Variants in ERI1 observed in about 807,000 individuals in gnomAD.
ERI1 encodes 3'-5' exoribonuclease 1.
A neutral mutation model predicts 39.7 loss-of-function variants in ERI1; 39 were observed. That is an observed-to-expected ratio of 0.98 (90% CI 0.76 to 1.28). The LOEUF (loss-of-function observed/expected upper bound fraction) is 1.28. ERI1 is among the 50% of genes most tolerant of loss of function. The probability of loss-of-function intolerance (pLI) is 0.00; values close to 1 mark genes in which losing one functional copy is unlikely to be tolerated. For synonymous variants in ERI1, 204 were observed against 149.6 expected, an observed-to-expected ratio of 1.36 and a Z score of -2.65; for missense variants, 581 against 416.9, an observed-to-expected ratio of 1.39 and a Z score of -3.43.
At chr8:9,072,545 A>G (rs960035482) in intron 3 of ERI1, 1 of 152,182 alleles carries the variant, frequency 6.6e-6, no homozygotes, top group Non-Finnish European at 1.5e-5. Context: ...CACCTCAAGA[A>G]GAAACCTGAA....
chr8:9,021,695 A>G (rs1426798920), intron 6 of ERI1, among the ~76,000 whole-genome samples: 1 of 150,706 alleles, frequency 6.6e-6, no homozygotes, highest in Non-Finnish European at 1.5e-5. Context: ...TTAAATGTAT[A>G]TCCTTATATT....
intron 3 of ERI1, among the ~76,000 whole-genome samples, chr8:9,088,837 G>A (rs1264782827): frequency 6.6e-6 from 1 of 152,226 alleles, no homozygotes; most frequent in African/African-American, 2.4e-5. Flanking sequence ...TAACCAGGGA[G>A]TTGACAATGA....
chr8:9,039,665 G>C (rs185060673), intron 3 of ERI1, among the ~76,000 whole-genome samples: 157 of 152,202 alleles, frequency 1.0e-3, no homozygotes, highest in African/African-American at 3.6e-3. Context: ...TTTGGCTTTT[G>C]GCAGAATTAA....
chr8:9,072,891 G>A (rs960087282), intron 3 of ERI1, among the ~76,000 whole-genome samples: 1 of 152,228 alleles, frequency 6.6e-6, no homozygotes, highest in Non-Finnish European at 1.5e-5. Context: ...GACCTCCTCA[G>A]TCTTGCACCC....
At chr8:9,024,671 C>A (rs1818284083) in intron 6 of ERI1, among the ~76,000 whole-genome samples, 1 of 152,082 alleles carries the variant, frequency 6.6e-6, no homozygotes, top group Non-Finnish European at 1.5e-5. Context: ...TGATCTGCCC[C>A]CCCTCGGCCT....
chr8:9,014,212 T>C (rs993995599), intron 3 of ERI1, among the ~76,000 whole-genome samples: 3 of 152,202 alleles, frequency 2.0e-5, no homozygotes, highest in Non-Finnish European at 4.4e-5. Flanking sequence ...TTCTCAAAAA[T>C]GCCAGGCATG....
At chr8:9,025,965 T>G (rs1818432138) in intron 6 of ERI1, among the ~76,000 whole-genome samples, 1 of 152,170 alleles carries the variant, frequency 6.6e-6, no homozygotes, top group Admixed American at 6.5e-5. Flanking sequence ...TGTATGTACA[T>G]TGAGCCATTA....
intron 6 of ERI1, among the ~76,000 whole-genome samples, chr8:9,022,199 T>C (rs1196089502): frequency 6.6e-6 from 1 of 152,178 alleles, no homozygotes; most frequent in Admixed American, 6.6e-5. Flanking sequence ...ATCTGACGGG[T>C]GTGTGATACC....
intron 4 of ERI1, 123 bp from the exon 5 acceptor site, chr8:9,018,174 A>G (rs1563322026): frequency 1.9e-6 from 1 of 525,700 alleles, no homozygotes; most frequent in African/African-American, 1.9e-5. Context: ...CAAGGAAACC[A>G]TGAATTTAAA....
At chr8:9,077,414 A>C (rs1278248903) in intron 3 of ERI1, among the ~76,000 whole-genome samples, 3 of 152,184 alleles carry the variant, frequency 2.0e-5, no homozygotes, top group African/African-American at 7.2e-5. Context: ...ACAGGAGAAA[A>C]GGCATACAAA....
At chr8:9,034,330 A>G (rs149796177), downstream of ERI1, among the ~76,000 whole-genome samples, 1 of 152,226 alleles carries the variant, frequency 6.6e-6, no homozygotes, top group African/African-American at 2.4e-5. Context: ...ACTTCTCTTT[A>G]TGTGCTTCGC....
intron 3 of ERI1, among the ~76,000 whole-genome samples, chr8:9,081,587 CTCTT>C (rs1799368177): frequency 6.6e-6 from 1 of 152,196 alleles, no homozygotes; most frequent in South Asian, 2.1e-4. Flanking sequence ...TTTCTTCACT[CTCTT>C]TCTTTCTATG....
chr8:9,050,618 A>G (rs956874333), intron 3 of ERI1, among the ~76,000 whole-genome samples: 4 of 152,130 alleles, frequency 2.6e-5, no homozygotes, highest in Non-Finnish European at 5.9e-5. Flanking sequence ...CTGCTGACTG[A>G]TAAGTCACCA....
intron 1 of ERI1, among the ~76,000 whole-genome samples, chr8:9,007,271 CTTCT>C: frequency 6.6e-6 from 1 of 152,120 alleles, no homozygotes; most frequent in East Asian, 1.9e-4. Context: ...AATACATTTC[CTTCT>C]TTGAGTACTA....
intron 3 of ERI1, among the ~76,000 whole-genome samples, chr8:9,076,414 C>A (rs1323921601): frequency 1.3e-5 from 2 of 152,000 alleles, no homozygotes; most frequent in African/African-American, 4.8e-5. Flanking sequence ...CAAAGCAAAC[C>A]CAAGTCAGAA....
intron 1 of ERI1, chr8:9,004,261 C>G (rs1815715076): frequency 1.7e-6 from 2 of 1,190,622 alleles, no homozygotes; most frequent in South Asian, 1.6e-5. Context: ...CACCTGCCTC[C>G]CTCTTCAGCC....
intron 6 of ERI1, among the ~76,000 whole-genome samples, chr8:9,023,400 T>A (rs1818128035): frequency 6.6e-6 from 1 of 152,174 alleles, no homozygotes; most frequent in South Asian, 2.1e-4. Context: ...TAATTTTTAT[T>A]ATTAAAAATT....
intron 3 of ERI1, among the ~76,000 whole-genome samples, chr8:9,064,681 T>G (rs1798811230): frequency 6.6e-6 from 1 of 152,086 alleles, no homozygotes; most frequent in South Asian, 2.1e-4. Context: ...CTTGGGCTGG[T>G]GGGTCTGAGG....
chr8:9,047,068 A>T (rs141471502), intron 3 of ERI1, among the ~76,000 whole-genome samples: 2 of 152,218 alleles, frequency 1.3e-5, no homozygotes, highest in African/African-American at 4.8e-5. Context: ...TGTTCCCAAC[A>T]GGGAAAACAG....
Sources: allele counts gnomAD v4.1 joint callset (sites outside exome capture counted in the v4.1 genomes callset), GRCh38; gene constraint gnomAD v4.1.1; transcripts MANE v1.5; gene names NCBI Gene and HGNC (gene_info 2026-07-23, HGNC 2026-07-21).